CD58: variants seen among roughly 807,000 people sequenced by gnomAD.
The protein encoded by CD58 is CD58 molecule.
Under a neutral mutation model 27.6 loss-of-function variants are expected in CD58, and 14 were observed. The ratio of observed to expected loss-of-function variants is 0.51; its 90% CI spans 0.34 to 0.79. The LOEUF (loss-of-function observed/expected upper bound fraction) is 0.79. CD58 is among the 30% of genes least tolerant of loss of function. The pLI is 0.02. For synonymous variants in CD58, 117 were observed against 103.8 expected (o/e 1.13, Z -0.77); for missense variants, 268 against 301.7 (o/e 0.89, Z 0.83).
Position 116,544,299 on chromosome 1 carries a change from T to C in CD58, c.364+12A>G, listed in dbSNP as rs554534850. ...TTGCCATTTTAAACAAATCAACTTA[T>C]GGAATACTCACCAAGCACATAAAGA... is the stretch of plus-strand genomic sequence containing the variant. On this transcript the variant is annotated intron_variant, in intron 2 of 5. Coordinates refer to ENST00000369489, the MANE Select transcript of CD58 (RefSeq NM_001779.3). 3 of 1,575,326 alleles carry C rather than the reference T, an allele frequency of 1.9e-6. No homozygotes were observed. In the Admixed American group the frequency reaches 5.6e-5, roughly 30 times the overall value.
Position 116,514,655 on chromosome 1 carries a change from C to G in CD58, c.*158G>C, listed in dbSNP as rs556714014. On this transcript the variant is annotated 3_prime_UTR_variant, in exon 6 of 6. Coordinates refer to ENST00000369489, the MANE Select transcript of CD58 (RefSeq NM_001779.3). ...AAGTTGATGACAGCCAAAACTAATG[C>G]TTGTTCTTTGTTAGTGGGTATTTCT... The G allele has an allele frequency of 4.1e-5, 23 of 557,792 alleles. No homozygotes were observed. The African/African-American group carries it at 4.4e-4, about 11-fold the overall frequency. 34.6% of individuals were successfully genotyped at this position (557,792 alleles called of 1,614,324 possible).
At chr1:116,530,628 G>A (rs1657573249) in intron 3 of CD58, among the ~76,000 whole-genome samples, 1 of 152,182 alleles carries the variant, frequency 6.6e-6, no homozygotes, top group Non-Finnish European at 1.5e-5. Context: ...TAGTCAATGT[G>A]AGTTAGTTTG....
Position 116,515,894 on chromosome 1 carries a change from C to A in CD58, c.744-1072G>T, listed in dbSNP as rs1166197165. ...AGATGTCTGCTATCTACTCATCTGTCCTCTGTTGTTCCTAATTGGGTTTAG... is the reference window on the plus strand; with the variant it reads ...AGATGTCTGCTATCTACTCATCTGTACTCTGTTGTTCCTAATTGGGTTTAG... On this transcript the variant is annotated intron_variant, in intron 5 of 5. Coordinates refer to ENST00000369489, the MANE Select transcript of CD58 (RefSeq NM_001779.3). The surrounding 1 kb of genome is among the most constrained non-coding windows in gnomAD (Gnocchi z 4.6). Among the ~76,000 whole-genome samples the A allele has an allele frequency of 6.6e-6, 1 of 152,116 alleles. No homozygotes were observed. Among genetic ancestry groups the A allele is most frequent in the Non-Finnish European group, 1.5e-5 (1 of 68,024 alleles).
At position 116,532,879 on chromosome 1, in the gene CD58, T is replaced by TC; in HGVS notation, c.628+3085dup. ...GCCGCATGCGGCAAAGACTGAGGCC[T>TC]CCCGCTACAGGCCCGGAGTCGCGAC... is the stretch of plus-strand genomic sequence containing the variant. On this transcript the variant is annotated intron_variant, in intron 3 of 5. Coordinates refer to ENST00000369489, the MANE Select transcript of CD58 (RefSeq NM_001779.3). The surrounding 1 kb of genome is among the most constrained non-coding windows in gnomAD (Gnocchi z 5.1). 2 of 719,956 alleles carry TC rather than the reference T, an allele frequency of 2.8e-6. No individual in the cohort carries two copies. The allele number at this position is 719,956 out of a possible 1,614,324, so 44.6% of individuals were successfully genotyped here.
rs1402837165 is a variant in CD58 at position 116,528,643 on chromosome 1, T to C, written c.629-6660A>G. On this transcript the variant is annotated intron_variant, in intron 3 of 5. Coordinates refer to ENST00000369489, the MANE Select transcript of CD58 (RefSeq NM_001779.3). This position sits in a 1 kb window ranked among gnomAD's most constrained non-coding sequence, Gnocchi z 4.4. ...GCTCCCATTTAGAGTTCTGTGTCAA[T>C]GTGGAGGGTGTTACAATCATCCTAC... Among the ~76,000 whole-genome samples the C allele has an allele frequency of 1.3e-5, 2 of 152,222 alleles. No individual in the cohort carries two copies. Among genetic ancestry groups the C allele is most frequent in the Admixed American group, 1.3e-4 (2 of 15,282 alleles).
chr1:116,536,100 G>T lies in CD58; in HGVS notation c.493C>A (p.Gln165Lys). 1.9e-6 allele frequency: 3 copies of T among 1,613,732 alleles called. No homozygotes were observed. The highest frequency in any genetic ancestry group is 2.5e-6 in the Non-Finnish European group (3 of 1,179,774). ...IMYSWDCPME[Q>K]CKRNSTSIYF... ...ATACTGGTTGAGTTACGTTTACATTGCTCCATAGGACAATCCCATGAGTAC... is the reference window on the plus strand; with the variant it reads ...ATACTGGTTGAGTTACGTTTACATTTCTCCATAGGACAATCCCATGAGTAC... Residue 165 changes from glutamine (Q) to lysine (K), a missense_variant, in exon 3 of 6, where the codon CAA becomes AAA. By Grantham distance (53) the Gln-to-Lys change is moderately conservative (BLOSUM62 1). Transcript: ENST00000369489. This position sits in a 1 kb window ranked among gnomAD's most constrained non-coding sequence, Gnocchi z 5.4.
rs188670233 is a variant in CD58, at chr1:116,546,013, C to A, written c.71-1409G>T. ...GTAAAATGGCGAAACCCCATCTTTACGAAAAGTACAAAAAATTAGCTGGGC... is the reference window on the plus strand; with the variant it reads ...GTAAAATGGCGAAACCCCATCTTTAAGAAAAGTACAAAAAATTAGCTGGGC... On this transcript the variant is annotated intron_variant, in intron 1 of 5. Coordinates refer to ENST00000369489, the MANE Select transcript of CD58 (RefSeq NM_001779.3). This position sits in a 1 kb window ranked among gnomAD's most constrained non-coding sequence, Gnocchi z 4.1. Among the ~76,000 whole-genome samples, 8 of 152,130 alleles carry A rather than the reference C, an allele frequency of 5.3e-5. No homozygotes were observed. The highest frequency in any genetic ancestry group is 1.4e-4 in the African/African-American group (6 of 41,506).
rs1658341031 is a variant in CD58, at chr1:116,550,053, A to C, written c.71-5449T>G. Among the ~76,000 whole-genome samples, 1 of 152,212 alleles carries C rather than the reference A, an allele frequency of 6.6e-6. No individual in the cohort carries two copies. The highest frequency in any genetic ancestry group is 1.5e-5 in the Non-Finnish European group (1 of 68,032). ...TGAAAAAAAAAACATGCTAACAATC[A>C]TTTGAGCCTTCAGCAAGTCCTAATA... On this transcript the variant is annotated intron_variant, in intron 1 of 5. Transcript: ENST00000369489. The surrounding 1 kb of genome is among the most constrained non-coding windows in gnomAD (Gnocchi z 4.2).
At chr1:116,556,256 A>G (rs1210849175) in intron 1 of CD58, among the ~76,000 whole-genome samples, 6 of 115,568 alleles carry the variant, frequency 5.2e-5, no homozygotes, top group Admixed American at 2.6e-4. Context: ...TCCATCTCAG[A>G]AAAAAAAAAA....
At chr1:116,545,418 G>C (rs1658136174) in intron 1 of CD58, among the ~76,000 whole-genome samples, 1 of 152,198 alleles carries the variant, frequency 6.6e-6, no homozygotes. Context: ...TAGCAATGAA[G>C]TCCATGGACA....
chr1:116,560,988 A>C (rs1272074766), intron 1 of CD58, among the ~76,000 whole-genome samples: 2 of 152,182 alleles, frequency 1.3e-5, no homozygotes, highest in Non-Finnish European at 2.9e-5. Flanking sequence ...CCCTCAAGTA[A>C]AGCTTCAAAA....
chr1:116,553,912 A>T (rs1470771039), intron 1 of CD58, among the ~76,000 whole-genome samples: 1 of 152,174 alleles, frequency 6.6e-6, no homozygotes, highest in African/African-American at 2.4e-5. Flanking sequence ...CAGGAGGGGG[A>T]TGGCATCATA....
chr1:116,545,254 G>C (rs767421592), intron 1 of CD58, among the ~76,000 whole-genome samples: 6 of 152,182 alleles, frequency 3.9e-5, no homozygotes, highest in Non-Finnish European at 8.8e-5. Flanking sequence ...CTAAGGGTTT[G>C]GACTGATCCT....
At position 116,515,723 on chromosome 1, in the gene CD58, G is replaced by A. The variant is rs1430979014; in HGVS notation, c.744-901C>T. ...ATCCCACCTGTAAATCTTTCTTCTCGGAGAAATAGGACTCCCTGCTTCCTT... is the reference window on the plus strand; with the variant it reads ...ATCCCACCTGTAAATCTTTCTTCTCAGAGAAATAGGACTCCCTGCTTCCTT... On this transcript the variant is annotated intron_variant, in intron 5 of 5. Coordinates refer to ENST00000369489, the MANE Select transcript of CD58 (RefSeq NM_001779.3). The surrounding 1 kb of genome is among the most constrained non-coding windows in gnomAD (Gnocchi z 4.6). 6.6e-6 allele frequency among the ~76,000 whole-genome samples: 1 copy of A among 152,060 alleles called. No homozygotes were observed. The highest frequency in any genetic ancestry group is 1.5e-5 in the Non-Finnish European group (1 of 68,000).
At chr1:116,554,539 A>T (rs1027267991) in intron 1 of CD58, among the ~76,000 whole-genome samples, 8 of 151,972 alleles carry the variant, frequency 5.3e-5, no homozygotes, top group African/African-American at 1.7e-4. Flanking sequence ...ATATATATAT[A>T]TTTTAACTAT....
Position 116,517,511 on chromosome 1 carries a change from T to C in CD58, c.743+1720A>G, listed in dbSNP as rs146657909. Among the ~76,000 whole-genome samples, 272 of 152,264 alleles carry C rather than the reference T, an allele frequency of 1.8e-3. 2 individuals are homozygous for C. The highest frequency in any genetic ancestry group is 6.8e-3 in the Middle Eastern group (2 of 294). On this transcript the variant is annotated intron_variant, in intron 5 of 5. Coordinates refer to ENST00000369489, the MANE Select transcript of CD58 (RefSeq NM_001779.3). The surrounding 1 kb of genome is among the most constrained non-coding windows in gnomAD (Gnocchi z 6.5). The stretch of plus-strand genomic sequence containing the variant: ...GGCCCTTGCTGCTGCTTAGCCACCC[T>C]CACTTCATCCCTGCACTGACCACAG...
chr1:116,544,179 A>G (rs1658078207), intron 2 of CD58, 132 bp downstream of exon 2: 4 of 641,706 alleles, frequency 6.2e-6, no homozygotes, highest in Non-Finnish European at 1.1e-5. Context: ...TATACCAGAA[A>G]AGGAGAAAAC....
At chr1:116,569,894 G>C (rs1659081672) in intron 1 of CD58, among the ~76,000 whole-genome samples, 1 of 152,130 alleles carries the variant, frequency 6.6e-6, no homozygotes, top group African/African-American at 2.4e-5. Context: ...AAGCCACCAC[G>C]CCCAGCCCAG....
rs548443450 is a variant in CD58 at position 116,534,758 on chromosome 1, TAA to T, written c.628+1205_628+1206del. Among the ~76,000 whole-genome samples, 255 of 152,392 alleles carry T rather than the reference TAA, an allele frequency of 1.7e-3. No homozygotes were observed. The highest frequency in any genetic ancestry group is 5.9e-3 in the African/African-American group (246 of 41,602). ...GAAAATAATATAACTTTAATGGCTTTAAGTTATTGTTTGAAAGGGTTCAGAAA... is the reference window on the plus strand; with the variant it reads ...GAAAATAATATAACTTTAATGGCTTTGTTATTGTTTGAAAGGGTTCAGAAA... On this transcript the variant is annotated intron_variant, in intron 3 of 5. Coordinates refer to ENST00000369489, the MANE Select transcript of CD58 (RefSeq NM_001779.3). The surrounding 1 kb of genome is among the most constrained non-coding windows in gnomAD (Gnocchi z 5.3).
Sources: allele counts gnomAD v4.1 joint callset (sites outside exome capture counted in the v4.1 genomes callset), GRCh38; gene constraint gnomAD v4.1.1; non-coding constraint Gnocchi (gnomAD v3.1); transcripts MANE v1.5; gene names NCBI Gene and HGNC (gene_info 2026-07-23, HGNC 2026-07-21).